Variants in SLC1A6 observed in about 807,000 individuals in gnomAD.
SLC1A6 encodes solute carrier family 1 member 6, also known as excitatory amino acid transporter 4.
In SLC1A6, 15 loss-of-function variants were observed where a neutral mutation model predicts 42.1. That is an observed-to-expected ratio of 0.36 (90% CI 0.24 to 0.55). The LOEUF (loss-of-function observed/expected upper bound fraction) is 0.55. Ranked by LOEUF, SLC1A6 falls within the 20% of genes least tolerant of loss-of-function variation. The probability of loss-of-function intolerance (pLI) is 0.88; values close to 1 mark genes in which losing one functional copy is unlikely to be tolerated. For missense variants in SLC1A6, 542 were observed against 772.5 expected (o/e 0.70, Z 3.54); for synonymous variants, 317 against 319.7 (o/e 0.99, Z 0.09).
chr19:15,002,756 A>G (rs981878725), intron 1 of SLC1A6, among the ~76,000 whole-genome samples: 2 of 152,202 alleles, frequency 1.3e-5, no homozygotes, highest in African/African-American at 4.8e-5. Flanking sequence ...GTGAAAGAGC[A>G]CAGGGGAGGG....
At chr19:15,003,660 C>CAAAAAAAAAA (rs371118940) in intron 1 of SLC1A6, among the ~76,000 whole-genome samples, 2 of 121,976 alleles carry the variant, frequency 1.6e-5, no homozygotes, top group African/African-American at 3.1e-5. Context: ...CATGTAATGC[C>CAAAAAAAAAA]AAAAAAAAAA....
intron 8 of SLC1A6, among the ~76,000 whole-genome samples, chr19:14,953,468 G>A (rs1281964565): frequency 6.6e-6 from 1 of 151,650 alleles, no homozygotes; most frequent in East Asian, 1.9e-4. Flanking sequence ...GGCTGGTCTC[G>A]AACTCCTGAC....
intron 9 of SLC1A6, among the ~76,000 whole-genome samples, chr19:14,952,486 G>T (rs919687664): frequency 1.3e-5 from 2 of 151,468 alleles, no homozygotes; most frequent in African/African-American, 4.8e-5. Context: ...AACCCAGGAG[G>T]CAATCTCATC....
At chr19:14,989,640 T>C (rs937720539) in intron 1 of SLC1A6, among the ~76,000 whole-genome samples, 8 of 151,952 alleles carry the variant, frequency 5.3e-5, no homozygotes, top group Non-Finnish European at 1.2e-4. Context: ...TTGGTGGGAA[T>C]GTAAATTAGT....
intron 6 of SLC1A6, chr19:14,961,758 T>C: frequency 2.2e-6 from 1 of 463,914 alleles, no homozygotes; most frequent in Non-Finnish European, 3.8e-6. Flanking sequence ...AATGAAAGAG[T>C]GAGATATTCC....
intron 1 of SLC1A6, among the ~76,000 whole-genome samples, chr19:15,010,229 A>C (rs2045919744): frequency 6.6e-6 from 1 of 151,372 alleles, no homozygotes; most frequent in Non-Finnish European, 1.5e-5. Flanking sequence ...GAGAGAGAGA[A>C]AAGAAAAGAA....
intron 1 of SLC1A6, among the ~76,000 whole-genome samples, chr19:14,996,500 C>CCTCCTCCTCCTCCCT (rs1195939868): frequency 7.6e-6 from 1 of 130,892 alleles, no homozygotes. Context: ...TTTCTTTCCT[C>CCTCCTCCTCCTCCCT]CTCCTCCTCC....
chr19:14,976,778 G>C (rs1278842978), intron 1 of SLC1A6: 1 of 152,008 alleles, frequency 6.6e-6, no homozygotes, highest in African/African-American at 2.4e-5. Context: ...CAACCAGGTC[G>C]AGCTGCAGGT....
chr19:14,953,122 G>A, intron 8 of SLC1A6, 60 bp from the exon 9 acceptor site: 1 of 1,333,814 alleles, frequency 7.5e-7, no homozygotes, highest in Non-Finnish European at 1.1e-6. Context: ...GAGGAAGAGA[G>A]AGGAAAAGGA....
Position 14,950,048 on chromosome 19 carries a change from C to T in SLC1A6, c.*147G>A. On this transcript the variant is annotated 3_prime_UTR_variant, in exon 10 of 10. Transcript: ENST00000594383. Reference sequence around the variant, plus strand: ...AGACCTTATATACCTTTCATTCCTGCTCCTTTATTTCACTTTTCCCTCCCC... The same window carrying T: ...AGACCTTATATACCTTTCATTCCTGTTCCTTTATTTCACTTTTCCCTCCCC... 1.9e-6 allele frequency: 1 copy of T among 527,470 alleles called. No homozygotes were observed. Among genetic ancestry groups the T allele is most frequent in the South Asian group, 3.6e-5 (1 of 27,916 alleles). The allele number at this position is 527,470 out of a possible 1,614,324, so 32.7% of individuals were successfully genotyped here. A position where few individuals can be genotyped will look rare whatever the true frequency, so the allele number is the denominator to read the frequency against.
intron 1 of SLC1A6, chr19:14,977,509 G>A (rs1265764775): frequency 6.6e-6 from 1 of 152,286 alleles, no homozygotes; most frequent in Non-Finnish European, 1.5e-5. Context: ...GCCAGACGCA[G>A]TGGCTCATGC....
At chr19:14,996,444 C>A (rs939666859) in intron 1 of SLC1A6, among the ~76,000 whole-genome samples, 1 of 151,988 alleles carries the variant, frequency 6.6e-6, no homozygotes, top group Non-Finnish European at 1.5e-5. Context: ...TAGAATCCTG[C>A]CAATTGGTCA....
At chr19:14,983,176 AT>A (rs2045776214), upstream of SLC1A6, among the ~76,000 whole-genome samples, 1 of 152,202 alleles carries the variant, frequency 6.6e-6, no homozygotes, top group Non-Finnish European at 1.5e-5. Flanking sequence ...CGGCGTGAAC[AT>A]TTGTAGCTGA....
chr19:14,991,887 G>A (rs757051822), intron 1 of SLC1A6, among the ~76,000 whole-genome samples: 5 of 150,564 alleles, frequency 3.3e-5, no homozygotes, highest in South Asian at 2.1e-4. Flanking sequence ...ACGCAGTGGC[G>A]TGATCTTGGC....
upstream of SLC1A6, among the ~76,000 whole-genome samples, chr19:14,980,654 C>CAA (rs35361239): frequency 4.8e-3 from 602 of 125,380 alleles, 7 homozygotes; most frequent in African/African-American, 0.012. Flanking sequence ...GAGACTCCGT[C>CAA]AAAAAAAAAA....
chr19:15,000,756 T>C (rs949931616), intron 1 of SLC1A6, among the ~76,000 whole-genome samples: 3 of 152,230 alleles, frequency 2.0e-5, no homozygotes, highest in Non-Finnish European at 4.4e-5. Flanking sequence ...TGCATCTCTG[T>C]TCTCTTATAC....
At chr19:14,982,480 G>C (rs1355408784), upstream of SLC1A6, among the ~76,000 whole-genome samples, 1 of 152,174 alleles carries the variant, frequency 6.6e-6, no homozygotes, top group African/African-American at 2.4e-5. Flanking sequence ...AGTGAGCCAA[G>C]GTCGTGCCAC....
chr19:14,979,904 C>G (rs189175700), upstream of SLC1A6: 1,040 of 152,322 alleles, frequency 6.8e-3, 5 homozygotes, highest in Non-Finnish European at 0.011. The surrounding 1 kb of genome is among the most constrained non-coding windows in gnomAD (Gnocchi z 4.2). Context: ...GGCATCCAGC[C>G]CCCGCCCCCT....
chr19:14,970,920 A>C (rs911452945), intron 3 of SLC1A6, among the ~76,000 whole-genome samples: 2 of 152,076 alleles, frequency 1.3e-5, no homozygotes, highest in Non-Finnish European at 2.9e-5. Context: ...TCATGAGGTC[A>C]GGAAATCGAT....
Sources: allele counts gnomAD v4.1 joint callset (sites outside exome capture counted in the v4.1 genomes callset), GRCh38; gene constraint gnomAD v4.1.1; non-coding constraint Gnocchi (gnomAD v3.1); transcripts MANE v1.5; gene names NCBI Gene and HGNC (gene_info 2026-07-23, HGNC 2026-07-21).